The following RAB3B variants were observed in gnomAD, a reference collection of about 807,000 sequenced individuals.
The protein encoded by RAB3B is RAB3B, member RAS oncogene family.
In RAB3B, 11 loss-of-function variants were observed where a neutral mutation model predicts 20.5. The ratio of observed to expected loss-of-function variants is 0.54; its 90% CI spans 0.34 to 0.89. The LOEUF is 0.89. Among genes scored for constraint, RAB3B ranks in the 40% least tolerant of loss-of-function variants. The pLI, the probability that RAB3B is intolerant of heterozygous loss-of-function variation, is 0.02. For missense variants in RAB3B, 225 were observed against 280.9 expected (o/e 0.80, Z 1.42); for synonymous variants, 99 against 106.3 (o/e 0.93, Z 0.42).
intron 1 of RAB3B, among the ~76,000 whole-genome samples, chr1:51,977,336 A>G (rs1685024564): frequency 6.6e-6 from 1 of 152,160 alleles, no homozygotes; most frequent in Non-Finnish European, 1.5e-5. Flanking sequence ...CCTTCAGCAA[A>G]TATTTACTGA....
Position 51,909,823 on chromosome 1 carries a change from C to T in RAB3B, c.*10104G>A, listed in dbSNP as rs1315108063. 1 of 152,296 alleles carries T rather than the reference C, an allele frequency of 6.6e-6. No homozygotes were observed. The highest frequency in any genetic ancestry group is 2.4e-5 in the African/African-American group (1 of 41,460). 9.4% of individuals were successfully genotyped at this position (152,296 alleles called of 1,614,324 possible). A position where few individuals can be genotyped will look rare whatever the true frequency, so the allele number is the denominator to read the frequency against. On this transcript the variant is annotated 3_prime_UTR_variant, in exon 5 of 5. Transcript: ENST00000371655. ...TGCTCATGGTGTTTACACTGGCTTT[C>T]TCCAGTCTCTGGTTCTCAGTCCCCT...
intron 2 of RAB3B, among the ~76,000 whole-genome samples, chr1:51,962,413 T>C (rs947515173): frequency 3.3e-5 from 5 of 152,204 alleles, no homozygotes; most frequent in African/African-American, 1.2e-4. Context: ...AGAATAAGAA[T>C]GGCACTTTTG....
intron 2 of RAB3B, among the ~76,000 whole-genome samples, chr1:51,954,655 T>G (rs1295739185): frequency 6.6e-6 from 1 of 151,984 alleles, no homozygotes; most frequent in African/African-American, 2.4e-5. Context: ...GTGTTTGAAA[T>G]TTTCCATAAT....
Position 51,913,134 on chromosome 1 carries a change from G to A in RAB3B, c.*6793C>T, listed in dbSNP as rs978731062. On this transcript the variant is annotated 3_prime_UTR_variant, in exon 5 of 5. Transcript: ENST00000371655. ...GGTAGGAATTACAACCATTATCTAC[G>A]GTGAATCCTGTGAAATGAGAAGTCA... 5.9e-5 allele frequency: 9 copies of A among 152,100 alleles called. No individual in the cohort carries two copies. The highest frequency in any genetic ancestry group is 1.5e-5 in the Non-Finnish European group (1 of 68,028). 9.4% of individuals were successfully genotyped at this position (152,100 alleles called of 1,614,324 possible).
chr1:51,990,011 G>A (rs1240449308), intron 1 of RAB3B, among the ~76,000 whole-genome samples: 1 of 71,352 alleles, frequency 1.4e-5, no homozygotes, highest in East Asian at 3.4e-4. Context: ...GCTGCCCAGC[G>A]CCCCTTGCCC....
chr1:51,919,630 A>G lies in RAB3B; in HGVS notation c.*297T>C. On this transcript the variant is annotated 3_prime_UTR_variant, in exon 5 of 5. Coordinates refer to ENST00000371655, the MANE Select transcript of RAB3B (RefSeq NM_002867.4). The stretch of plus-strand genomic sequence containing the variant: ...AGGAACTCTCATTTTAAAGGCAGAA[A>G]AGAGACTGTTCTCTAAGTCCCTGTA... The G allele has an allele frequency of 1.4e-5, 4 of 282,474 alleles. No individual in the cohort carries two copies. Among genetic ancestry groups the G allele is most frequent in the Non-Finnish European group, 2.6e-5 (4 of 151,436 alleles). The allele number at this position is 282,474 out of a possible 1,614,324, so 17.5% of individuals were successfully genotyped here. A position where few individuals can be genotyped will look rare whatever the true frequency, so the allele number is the denominator to read the frequency against.
intron 2 of RAB3B, among the ~76,000 whole-genome samples, chr1:51,974,110 AG>A (rs1395182203): frequency 3.3e-5 from 5 of 152,152 alleles, no homozygotes; most frequent in Non-Finnish European, 7.3e-5. Context: ...AATTTCTCTC[AG>A]CACCCACTCT....
At chr1:51,980,018 C>T (rs1033990977) in intron 1 of RAB3B, among the ~76,000 whole-genome samples, 7 of 151,830 alleles carry the variant, frequency 4.6e-5, no homozygotes, top group African/African-American at 1.2e-4. Flanking sequence ...CTTCAGCCTA[C>T]GCGACAGAGC....
rs1571951719 is a variant in RAB3B at position 51,913,121 on chromosome 1, A to G, written c.*6806T>C. On this transcript the variant is annotated 3_prime_UTR_variant, in exon 5 of 5. Coordinates refer to ENST00000371655, the MANE Select transcript of RAB3B (RefSeq NM_002867.4). ...GCCAGGAACTTCCGGTAGGAATTAC[A>G]ACCATTATCTACGGTGAATCCTGTG... 1 of 152,334 alleles carries G rather than the reference A, an allele frequency of 6.6e-6. No individual in the cohort carries two copies. Among genetic ancestry groups the G allele is most frequent in the South Asian group, 2.1e-4 (1 of 4,826 alleles). 9.4% of individuals were successfully genotyped at this position (152,334 alleles called of 1,614,324 possible). A position where few individuals can be genotyped will look rare whatever the true frequency, so the allele number is the denominator to read the frequency against.
At chr1:51,950,062 T>C (rs1432504609) in intron 2 of RAB3B, among the ~76,000 whole-genome samples, 3 of 152,196 alleles carry the variant, frequency 2.0e-5, no homozygotes, top group Admixed American at 6.5e-5. Flanking sequence ...GTCTGGGGTA[T>C]TTTTAGGCAC....
intron 4 of RAB3B, among the ~76,000 whole-genome samples, chr1:51,931,035 T>G (rs937464590): frequency 2.6e-5 from 4 of 151,614 alleles, no homozygotes; most frequent in Non-Finnish European, 5.9e-5. Context: ...AAAATCTTAG[T>G]GAGAAGGGCT....
At chr1:51,984,118 G>A (rs547745256) in intron 1 of RAB3B, among the ~76,000 whole-genome samples, 13 of 151,544 alleles carry the variant, frequency 8.6e-5, no homozygotes, top group South Asian at 2.1e-4. Flanking sequence ...CAAAAAATTC[G>A]CTGGGCGTGG....
At chr1:51,934,871 T>C (rs1370397026) in intron 3 of RAB3B, among the ~76,000 whole-genome samples, 1 of 152,100 alleles carries the variant, frequency 6.6e-6, no homozygotes, top group African/African-American at 2.4e-5. Context: ...AAAACAAAAT[T>C]TTAAGAGGAA....
chr1:51,972,855 C>G (rs552477350), intron 2 of RAB3B, among the ~76,000 whole-genome samples: 1 of 152,214 alleles, frequency 6.6e-6, no homozygotes, highest in Non-Finnish European at 1.5e-5. Flanking sequence ...TTAGTTCAGC[C>G]CCATATAATT....
chr1:51,955,366 G>T lies in RAB3B; in HGVS notation c.229-17954C>A, dbSNP rs535185237. On this transcript the variant is annotated intron_variant, in intron 2 of 4. Transcript: ENST00000371655. ...CATTCCAAAGCCAAAACCTTGGCTTGGCACCTGGCCCAGGGACTTACTCTT... is the reference window on the plus strand; with the variant it reads ...CATTCCAAAGCCAAAACCTTGGCTTTGCACCTGGCCCAGGGACTTACTCTT... Among the ~76,000 whole-genome samples, 11 of 152,222 alleles carry T rather than the reference G, an allele frequency of 7.2e-5. 1 individual carries two copies. In the South Asian group the frequency reaches 2.3e-3, roughly 32 times the overall value.
intron 1 of RAB3B, 21 bp from the exon 2 acceptor site, chr1:51,977,138 C>A: frequency 6.3e-7 from 1 of 1,596,604 alleles, no homozygotes; most frequent in Non-Finnish European, 8.6e-7. Flanking sequence ...GACCTAGAGT[C>A]ACTCAGGAAC....
chr1:51,978,945 A>G (rs1167975413), intron 1 of RAB3B, among the ~76,000 whole-genome samples: 3 of 152,238 alleles, frequency 2.0e-5, no homozygotes, highest in Non-Finnish European at 2.9e-5. Flanking sequence ...CAGCCTTTTA[A>G]TAAAAGTTCC....
At position 51,920,104 on chromosome 1, in the gene RAB3B, G is replaced by T. The variant is rs375330018; in HGVS notation, c.483C>A (p.Phe161Leu). Residue 161 changes from phenylalanine (F) to leucine (L), a missense_variant, in exon 5 of 5, where the codon TTC becomes TTA. Physicochemically the swap from Phe to Leu is conservative, Grantham distance 22. Coordinates refer to ENST00000371655, the MANE Select transcript of RAB3B (RefSeq NM_002867.4). Reference sequence around the variant, plus strand: ...TGTTCTCCTTTGCACTGGCTTCAAAGAAATCAAACCCTGGAAAGAGGAGAG... The same window carrying T: ...TGTTCTCCTTTGCACTGGCTTCAAATAAATCAAACCCTGGAAAGAGGAGAG... ...QLLAEQLGFD[F>L]FEASAKENIS... 8.1e-6 allele frequency: 13 copies of T among 1,609,004 alleles called. No individual in the cohort carries two copies. Among genetic ancestry groups the T allele is most frequent in the Non-Finnish European group, 1.0e-5 (12 of 1,176,472 alleles).
At position 51,976,874 on chromosome 1, in the gene RAB3B, G is replaced by A. The variant is rs1685016049; in HGVS notation, c.228+16C>T. On this transcript the variant is annotated intron_variant, in intron 2 of 4. Transcript: ENST00000371655. ...CGCTTCTCAGGAAAATCCTGCCCAA[G>A]ATTCCCGGGACTCACCCAGATCTGC... 6.2e-7 allele frequency: 1 copy of A among 1,609,436 alleles called. No homozygotes were observed. The highest frequency in any genetic ancestry group is 1.3e-5 in the African/African-American group (1 of 74,814).
Sources: allele counts gnomAD v4.1 joint callset (sites outside exome capture counted in the v4.1 genomes callset), GRCh38; gene constraint gnomAD v4.1.1; transcripts MANE v1.5; gene names NCBI Gene and HGNC (gene_info 2026-07-23, HGNC 2026-07-21).